The following CDKL2 variants were observed in gnomAD, a reference collection of about 807,000 sequenced individuals.
The protein encoded by CDKL2 is cyclin-dependent kinase-like 2.
CDKL2 carries 64 observed loss-of-function variants against 63.9 expected under a neutral mutation model. The ratio of observed to expected loss-of-function variants is 1.00; its 90% confidence interval spans 0.82 to 1.23. The LOEUF is 1.23. Among genes scored for constraint, CDKL2 ranks in the 50% most tolerant of loss-of-function variants. The probability of loss-of-function intolerance (pLI) is 0.00; values close to 1 mark genes in which losing one functional copy is unlikely to be tolerated. For missense variants in CDKL2, 656 were observed against 668.0 expected, an observed-to-expected ratio of 0.98 and a Z score of 0.20; for synonymous variants, 211 against 229.2, an observed-to-expected ratio of 0.92 and a Z score of 0.72.
chr4:75,602,827 T>G (rs1016023075), intron 6 of CDKL2, among the ~76,000 whole-genome samples: 2 of 151,504 alleles, frequency 1.3e-5, no homozygotes, highest in African/African-American at 2.4e-5. Flanking sequence ...CCCAGACCCT[T>G]TTTATTTTCT....
chr4:75,627,721 C>CTTTTT (rs762110745), intron 1 of CDKL2, among the ~76,000 whole-genome samples: 2 of 45,264 alleles, frequency 4.4e-5, no homozygotes, highest in Non-Finnish European at 4.4e-5. Context: ...TTTTTCTTTA[C>CTTTTT]TTTTTTTTTC....
intron 2 of CDKL2, 56 bp downstream of exon 2, chr4:75,625,765 T>G (rs1345778672): frequency 1.5e-6 from 2 of 1,296,514 alleles, no homozygotes; most frequent in Non-Finnish European, 2.2e-6. Flanking sequence ...TTCTTCTTAT[T>G]GCCAAAAAAG....
At chr4:75,588,208 C>A in intron 12 of CDKL2, among the ~76,000 whole-genome samples, 1 of 142,948 alleles carries the variant, frequency 7.0e-6, no homozygotes, top group Non-Finnish European at 1.5e-5. Context: ...GAGCAAAACT[C>A]AGTCTCAAAA....
rs759568413 is a variant in CDKL2, at chr4:75,597,105, G to A, written c.1152C>T (p.Ser384=). 4 of 1,614,020 alleles carry A rather than the reference G, an allele frequency of 2.5e-6. No homozygotes were observed. In the African/African-American group the frequency reaches 4.0e-5, roughly 16 times the overall value. ...NASCLHDSRT[S]HNKIVPSTSL... is the part of the protein sequence containing the mutation. ...TTGTTGAAGGCACTATTTTGTTGTG[G>A]CTTGTCCTACTGTCATGGAGACAGC... The change falls in exon 9 of 14, where the codon AGC becomes AGT. Residue 384 remains serine, a synonymous_variant. Coordinates refer to ENST00000307465, the MANE Select transcript of CDKL2 (RefSeq NM_001330724.2).
At chr4:75,606,537 C>G (rs544139961) in intron 4 of CDKL2, among the ~76,000 whole-genome samples, 2 of 152,234 alleles carry the variant, frequency 1.3e-5, no homozygotes, top group African/African-American at 4.8e-5. Flanking sequence ...TTGAAACTAT[C>G]TTAAAAATCA....
intron 2 of CDKL2, among the ~76,000 whole-genome samples, chr4:75,624,447 G>A (rs1189592611): frequency 1.3e-5 from 2 of 151,726 alleles, no homozygotes; most frequent in Admixed American, 1.3e-4. Context: ...AGCTACTTGG[G>A]AGACTGAGGT....
chr4:75,625,896 G>A lies in CDKL2; in HGVS notation c.93C>T (p.Ala31=), dbSNP rs755991709. 1.2e-6 allele frequency: 2 copies of A among 1,612,630 alleles called. No individual in the cohort carries two copies. ...CGTCACTTTCTAAGAACTTCTTTAT[G>A]GCCACAATTCTTCCAGTATCTTTAT... ...CRNKDTGRIV[A]IKKFLESDDD... Residue 31 remains alanine (A), a synonymous_variant, in exon 2 of 14, where the codon GCC becomes GCT. Coordinates refer to ENST00000307465, the MANE Select transcript of CDKL2 (RefSeq NM_001330724.2).
chr4:75,628,301 G>C (rs1258655146), intron 1 of CDKL2, among the ~76,000 whole-genome samples: 1 of 152,090 alleles, frequency 6.6e-6, no homozygotes, highest in South Asian at 2.1e-4. Flanking sequence ...ATTTTTAGTA[G>C]AGACGGGGTT....
rs1729881583 is a variant in CDKL2, at chr4:75,615,272, C to T, written c.169-823G>A. Reference sequence around the variant, plus strand: ...ACAAAGTCATGGCCTCTCCCCAGAACCTCCTACAAATAGTCCTCCAAAGAC... The same window carrying T: ...ACAAAGTCATGGCCTCTCCCCAGAATCTCCTACAAATAGTCCTCCAAAGAC... On this transcript the variant is annotated intron_variant, in intron 2 of 13. Coordinates refer to ENST00000307465, the MANE Select transcript of CDKL2 (RefSeq NM_001330724.2). 3.3e-5 allele frequency among the ~76,000 whole-genome samples: 5 copies of T among 152,132 alleles called. No homozygotes were observed. The South Asian group carries it at 1.0e-3, about 32-fold the overall frequency.
intron 12 of CDKL2, among the ~76,000 whole-genome samples, chr4:75,588,062 A>G (rs534897941): frequency 6.6e-6 from 1 of 151,562 alleles, no homozygotes; most frequent in South Asian, 2.1e-4. Flanking sequence ...TAAAAATACA[A>G]AATTAGCCGG....
chr4:75,599,786 C>T (rs937809969), intron 7 of CDKL2, among the ~76,000 whole-genome samples: 7 of 152,312 alleles, frequency 4.6e-5, no homozygotes, highest in Middle Eastern at 6.8e-3. Context: ...TTCTTTGTTT[C>T]GTCAGCTGCA....
intron 3 of CDKL2, among the ~76,000 whole-genome samples, chr4:75,612,197 T>G (rs1729732054): frequency 6.6e-6 from 1 of 152,158 alleles, no homozygotes; most frequent in African/African-American, 2.4e-5. Flanking sequence ...GGCTTCGAAC[T>G]CCTGACCTCA....
chr4:75,613,011 G>A (rs958648216), intron 3 of CDKL2, among the ~76,000 whole-genome samples: 2 of 152,174 alleles, frequency 1.3e-5, no homozygotes, highest in Non-Finnish European at 2.9e-5. Flanking sequence ...TGTAGTCCCA[G>A]CTACTCCGGA....
At chr4:75,629,122 AT>A (rs1360089311) in intron 1 of CDKL2, among the ~76,000 whole-genome samples, 3 of 151,842 alleles carry the variant, frequency 2.0e-5, no homozygotes, top group Non-Finnish European at 4.4e-5. Flanking sequence ...TCCCTTCTTA[AT>A]TTTTTTCTCT....
intron 7 of CDKL2, among the ~76,000 whole-genome samples, chr4:75,598,590 T>A (rs1451420838): frequency 8.2e-4 from 106 of 128,628 alleles, no homozygotes; most frequent in Admixed American, 2.4e-3. Flanking sequence ...GCTTTTTTTT[T>A]TTAAAAAAAA....
rs1367263863 is a variant in CDKL2 at position 75,592,176 on chromosome 4, G to T, written c.1510C>A (p.Leu504Ile). ...VRLPELNYNH[L>I]PELRALGGIA... is the part of the protein sequence containing the mutation. ...CCTCCCAGTGCTCTTAGTTCAGGGA[G>T]ATGATTATAGTTTAGTTCAGGCAAA... is the stretch of plus-strand genomic sequence containing the variant. Residue 504 changes from leucine to isoleucine, a missense_variant, in exon 11 of 14, where the codon CTC becomes ATC. Leu to Ile is a conservative substitution (Grantham distance 5, BLOSUM62 2). Coordinates refer to ENST00000307465, the MANE Select transcript of CDKL2 (RefSeq NM_001330724.2). 6.5e-7 allele frequency: 1 copy of T among 1,535,158 alleles called. No homozygotes were observed. The highest frequency in any genetic ancestry group is 8.7e-7 in the Non-Finnish European group (1 of 1,146,596).
intron 1 of CDKL2, among the ~76,000 whole-genome samples, chr4:75,629,634 T>A (rs1269075328): frequency 6.6e-6 from 1 of 152,204 alleles, no homozygotes; most frequent in East Asian, 1.9e-4. Context: ...GCTAATTTTT[T>A]ATTTTGTTTA....
At chr4:75,581,702 G>A in intron 13 of CDKL2, 108 bp downstream of exon 13, 1 of 583,652 alleles carries the variant, frequency 1.7e-6, no homozygotes, top group Non-Finnish European at 3.1e-6. Flanking sequence ...AAGTTCTCAT[G>A]GAATCAATCA....
In CDKL2 at chr4:75,622,715, C is replaced by CAAAAAAAAAAAA. The variant is rs1171964321; in HGVS notation, c.168+3094_168+3105dup. Among the ~76,000 whole-genome samples, 41 of 13,962 alleles carry CAAAAAAAAAAAA rather than the reference C, an allele frequency of 2.9e-3. 3 individuals carry two copies. Among genetic ancestry groups the CAAAAAAAAAAAA allele is most frequent in the Admixed American group, 5.0e-3 (3 of 606 alleles). The allele number at this position is 13,962 out of a possible 152,430, so 9.2% of individuals were successfully genotyped here. A position where few individuals can be genotyped will look rare whatever the true frequency, so the allele number is the denominator to read the frequency against. On this transcript the variant is annotated intron_variant, in intron 2 of 13. Coordinates refer to ENST00000307465, the MANE Select transcript of CDKL2 (RefSeq NM_001330724.2). ...CCTGGGTGACAGAGCAAGACTCCAT[C>CAAAAAAAAAAAA]AAAAAAAAAAAAAAAAAAAAAAAAA... is the stretch of plus-strand genomic sequence containing the variant.
Sources: gnomAD v4.1 joint callset for allele counts (sites outside exome capture counted in the v4.1 genomes callset) on GRCh38, gnomAD v4.1.1 for gene constraint, MANE v1.5 for transcripts, NCBI Gene and HGNC (gene_info 2026-07-23, HGNC 2026-07-21) for gene names.